KLF13: variants seen among roughly 807,000 people sequenced by gnomAD.
KLF13 encodes the protein Krueppel-like factor 13.
Under a neutral mutation model 16.7 loss-of-function variants are expected in KLF13, and 8 were observed. That is an observed-to-expected ratio of 0.48 (90% CI 0.28 to 0.87). The LOEUF is 0.87. Ranked by LOEUF, KLF13 falls within the 40% of genes least tolerant of loss-of-function variation. The probability of loss-of-function intolerance (pLI) is 0.10; values close to 1 mark genes in which losing one functional copy is unlikely to be tolerated. For missense variants in KLF13, 447 were observed against 452.2 expected, an observed-to-expected ratio of 0.99 and a Z score of 0.10; for synonymous variants, 245 against 208.4, an observed-to-expected ratio of 1.18 and a Z score of -1.51.
intron 1 of KLF13, among the ~76,000 whole-genome samples, chr15:31,339,666 C>T (rs2038989292): frequency 6.6e-6 from 1 of 152,264 alleles, no homozygotes; most frequent in Admixed American, 6.5e-5. Context: ...GAGCGCCCTC[C>T]CACCCAGTGC....
At chr15:31,416,156 A>T (rs2040255973) in intron 1 of KLF13, among the ~76,000 whole-genome samples, 1 of 152,166 alleles carries the variant, frequency 6.6e-6, no homozygotes, top group African/African-American at 2.4e-5. Context: ...TATACCTATA[A>T]GAAGCAAAGT....
upstream of KLF13, among the ~76,000 whole-genome samples, chr15:31,390,398 A>G (rs2039846502): frequency 6.6e-6 from 1 of 152,148 alleles, no homozygotes; most frequent in South Asian, 2.1e-4. Flanking sequence ...CCCATGCTTG[A>G]TTCATAATTT....
At chr15:31,359,365 C>G (rs2039347774) in intron 1 of KLF13, among the ~76,000 whole-genome samples, 2 of 152,166 alleles carry the variant, frequency 1.3e-5, no homozygotes, top group South Asian at 4.1e-4. Context: ...AGAGCAAACA[C>G]CTTTATGAAA....
chr15:31,341,770 C>A (rs1458163307), intron 1 of KLF13, among the ~76,000 whole-genome samples: 1 of 152,206 alleles, frequency 6.6e-6, no homozygotes, highest in African/African-American at 2.4e-5. Context: ...CTGAGCCCCC[C>A]TTCCCAGAGT....
intron 1 of KLF13, among the ~76,000 whole-genome samples, chr15:31,348,129 A>C (rs2039155449): frequency 6.6e-6 from 1 of 152,196 alleles, no homozygotes; most frequent in Non-Finnish European, 1.5e-5. Context: ...GAAAACACGC[A>C]GGCTTTGTGG....
chr15:31,413,289 A>G (rs1313573269), intron 1 of KLF13, among the ~76,000 whole-genome samples: 1 of 151,908 alleles, frequency 6.6e-6, no homozygotes, highest in Non-Finnish European at 1.5e-5. Flanking sequence ...GAAGGAGAGG[A>G]GAGAAAGGAG....
upstream of KLF13, among the ~76,000 whole-genome samples, chr15:31,389,936 C>A (rs903154749): frequency 6.6e-6 from 1 of 152,154 alleles, no homozygotes; most frequent in Non-Finnish European, 1.5e-5. Context: ...GCAAATGGGG[C>A]GAACTCATTT....
chr15:31,429,770 G>C (rs887579462), intron 1 of KLF13, among the ~76,000 whole-genome samples: 17 of 151,234 alleles, frequency 1.1e-4, no homozygotes, highest in Non-Finnish European at 1.9e-4. Flanking sequence ...GACTCACTCT[G>C]TCATCCAGGC....
At chr15:31,381,993 G>C (rs1010322379), downstream of KLF13, among the ~76,000 whole-genome samples, 1 of 152,158 alleles carries the variant, frequency 6.6e-6, no homozygotes, top group East Asian at 1.9e-4. Context: ...GTCTTTTCCT[G>C]AGCCTTGCCT....
At chr15:31,342,343 G>C (rs2039039800) in intron 1 of KLF13, among the ~76,000 whole-genome samples, 1 of 152,204 alleles carries the variant, frequency 6.6e-6, no homozygotes, top group African/African-American at 2.4e-5. Flanking sequence ...GGCAGTCTTG[G>C]GTGAGGATGC....
intron 1 of KLF13, among the ~76,000 whole-genome samples, chr15:31,353,586 T>C (rs1010618161): frequency 6.6e-6 from 1 of 152,270 alleles, no homozygotes; most frequent in Non-Finnish European, 1.5e-5. Flanking sequence ...TGTCCTCAGC[T>C]GACCTCAGAT....
At chr15:31,385,944 A>G (rs986673456) in intron 1 of KLF13, among the ~76,000 whole-genome samples, 4 of 152,256 alleles carry the variant, frequency 2.6e-5, no homozygotes, top group African/African-American at 9.6e-5. Context: ...TGCAAAGGAA[A>G]TGTTCTCGAA....
intron 1 of KLF13, among the ~76,000 whole-genome samples, chr15:31,336,235 T>A (rs1208984777): frequency 6.6e-6 from 1 of 152,222 alleles, no homozygotes; most frequent in African/African-American, 2.4e-5. Flanking sequence ...CGGTCTGGCC[T>A]CGTTGGGGGA....
At chr15:31,382,813 G>A (rs1214978062), downstream of KLF13, among the ~76,000 whole-genome samples, 2 of 152,178 alleles carry the variant, frequency 1.3e-5, no homozygotes, top group East Asian at 1.9e-4. Context: ...TCTAGGTACC[G>A]CGTCCACTCA....
upstream of KLF13, among the ~76,000 whole-genome samples, chr15:31,388,990 G>T (rs1266327265): frequency 6.6e-6 from 1 of 151,638 alleles, no homozygotes; most frequent in Non-Finnish European, 1.5e-5. Context: ...AAATACACTG[G>T]CTTCCTAATA....
chr15:31,406,258 C>T (rs2040127811), downstream of KLF13, among the ~76,000 whole-genome samples: 1 of 152,096 alleles, frequency 6.6e-6, no homozygotes, highest in Admixed American at 6.6e-5. Flanking sequence ...AGGCGGATCA[C>T]CTGAGGTCAG....
In KLF13 at chr15:31,339,885, C is replaced by T. The variant is rs1292389109; in HGVS notation, c.577+12096C>T. 2.0e-5 allele frequency: 14 copies of T among 690,508 alleles called. No homozygotes were observed. The South Asian group carries it at 2.1e-4, about 10-fold the overall frequency. The allele number at this position is 690,508 out of a possible 1,614,324, so 42.8% of individuals were successfully genotyped here. A position where few individuals can be genotyped will look rare whatever the true frequency, so the allele number is the denominator to read the frequency against. On this transcript the variant is annotated intron_variant, in intron 1 of 1. Transcript: ENST00000307145. ...GCTGTGGGAGATGCAGCAGCGGGCTCTCGTGCAGGCCTGACCCTTCACCTT... is the reference window on the plus strand; with the variant it reads ...GCTGTGGGAGATGCAGCAGCGGGCTTTCGTGCAGGCCTGACCCTTCACCTT...
intron 1 of KLF13, among the ~76,000 whole-genome samples, chr15:31,345,674 G>A (rs2039103293): frequency 6.6e-6 from 1 of 152,196 alleles, no homozygotes; most frequent in African/African-American, 2.4e-5. Flanking sequence ...TCTTCCAGTG[G>A]CCCTACATGG....
At chr15:31,418,488 G>T (rs1337809578) in intron 1 of KLF13, among the ~76,000 whole-genome samples, 1 of 152,068 alleles carries the variant, frequency 6.6e-6, no homozygotes. Flanking sequence ...TAGTAACAGT[G>T]TTCAAGGACA....
Sources: gnomAD v4.1 joint callset for allele counts (sites outside exome capture counted in the v4.1 genomes callset) on GRCh38, gnomAD v4.1.1 for gene constraint, MANE v1.5 for transcripts, NCBI Gene and HGNC (gene_info 2026-07-23, HGNC 2026-07-21) for gene names.